ESR1: variants seen among roughly 807,000 people sequenced by gnomAD.
ESR1 encodes the protein estrogen receptor 1, also known as estrogen receptor.
In ESR1, 12 loss-of-function variants were observed where a neutral mutation model predicts 52.7. The observed-to-expected ratio is 0.23, with a 90% CI of 0.15 to 0.37. ESR1 has a LOEUF of 0.37. Among genes scored for constraint, ESR1 ranks in the 10% least tolerant of loss-of-function variants. The probability of loss-of-function intolerance (pLI) is 1.00; values close to 1 mark genes in which losing one functional copy is unlikely to be tolerated. For synonymous variants in ESR1, 305 were observed against 316.8 expected (o/e 0.96, Z 0.39); for missense variants, 584 against 779.7 (o/e 0.75, Z 2.99).
rs555791302 is a variant in ESR1, at chr6:152,007,541, G to A, written c.1097-4115G>A. 9.9e-5 allele frequency among the ~76,000 whole-genome samples: 15 copies of A among 152,104 alleles called. 1 individual carries two copies. In the South Asian group the frequency reaches 3.1e-3, roughly 32 times the overall value. On this transcript the variant is annotated intron_variant, in intron 4 of 7. Coordinates refer to ENST00000206249, the MANE Select transcript of ESR1 (RefSeq NM_000125.4). ...CTCTGTTTTCAATATATCATCTCTG[G>A]ATTCACTATTACTGGGACTTGTGAA...
intron 5 of ESR1, among the ~76,000 whole-genome samples, chr6:152,032,225 T>C (rs1158825560): frequency 6.6e-6 from 1 of 152,200 alleles, no homozygotes; most frequent in East Asian, 1.9e-4. Context: ...CTTTGAAAAC[T>C]GGCACAAGAC....
At chr6:151,764,744 T>C (rs1784916996) in intron 2 of ESR1, among the ~76,000 whole-genome samples, 1 of 152,226 alleles carries the variant, frequency 6.6e-6, no homozygotes, top group Non-Finnish European at 1.5e-5. Context: ...CCGAACGAGA[T>C]CATTTCCTCT....
intron 5 of ESR1, among the ~76,000 whole-genome samples, chr6:152,043,301 A>C (rs546316815): frequency 1.7e-4 from 26 of 152,328 alleles, no homozygotes; most frequent in African/African-American, 5.8e-4. Context: ...TTAAATGCAG[A>C]ATTCCTGCTT....
intron 1 of ESR1, chr6:151,813,404 T>C (rs1388320689): frequency 6.6e-6 from 1 of 152,290 alleles, no homozygotes; most frequent in Admixed American, 6.5e-5. Flanking sequence ...ACGATGATGA[T>C]GAAAATGAAG....
At chr6:151,739,778 G>A (rs1425939128) in intron 2 of ESR1, among the ~76,000 whole-genome samples, 1 of 152,188 alleles carries the variant, frequency 6.6e-6, no homozygotes, top group Non-Finnish European at 1.5e-5. Context: ...TTTACTGATA[G>A]CAATTTCTAT....
chr6:151,812,132 T>C (rs1778930433), intron 1 of ESR1, among the ~76,000 whole-genome samples: 1 of 152,096 alleles, frequency 6.6e-6, no homozygotes, highest in South Asian at 2.1e-4. Context: ...GGAGGAACCA[T>C]AGATATCAGG....
At chr6:151,722,816 G>A (rs985627221) in intron 2 of ESR1, among the ~76,000 whole-genome samples, 1 of 152,150 alleles carries the variant, frequency 6.6e-6, no homozygotes, top group Admixed American at 6.5e-5. Flanking sequence ...TAGGCTACAG[G>A]TCATCACACT....
chr6:151,662,014 C>T lies in ESR1; in HGVS notation n.73+5251C>T, dbSNP rs1242874794. Among the ~76,000 whole-genome samples, 15 of 152,280 alleles carry T rather than the reference C, an allele frequency of 9.9e-5. No individual in the cohort carries two copies. The East Asian group carries it at 2.5e-3, about 25-fold the overall frequency. Reference sequence around the variant, plus strand: ...GTGTGCCATTGGCACACAGCAGGGTCCTGGTGTCTCCCCCACCATCCAGCC... The same window carrying T: ...GTGTGCCATTGGCACACAGCAGGGTTCTGGTGTCTCCCCCACCATCCAGCC... On this transcript the variant is annotated intron_variant and non_coding_transcript_variant, in intron 1 of 2. Coordinates refer to the ESR1 transcript ENST00000473497.
intron 5 of ESR1, among the ~76,000 whole-genome samples, chr6:152,029,107 A>C (rs563284675): frequency 6.6e-6 from 1 of 152,358 alleles, no homozygotes; most frequent in Non-Finnish European, 1.5e-5. Flanking sequence ...AAACTAACAA[A>C]CAGAAAGGAC....
intron 2 of ESR1, among the ~76,000 whole-genome samples, chr6:151,722,443 TA>T (rs1474590990): frequency 3.3e-5 from 5 of 152,262 alleles, no homozygotes; most frequent in Admixed American, 6.5e-5. Flanking sequence ...AAAAGGCAGA[TA>T]GGGGCAAAGA....
At chr6:151,764,893 CT>C (rs979869774) in intron 2 of ESR1, among the ~76,000 whole-genome samples, 6 of 151,914 alleles carry the variant, frequency 3.9e-5, no homozygotes, top group African/African-American at 9.7e-5. Flanking sequence ...ATATTTACTT[CT>C]TTTTTTTGAA....
intron 2 of ESR1, among the ~76,000 whole-genome samples, chr6:151,756,369 T>C (rs1784286795): frequency 6.6e-6 from 1 of 152,150 alleles, no homozygotes; most frequent in Non-Finnish European, 1.5e-5. Context: ...TGCCTCGGCC[T>C]CCCGAGTAGC....
chr6:151,732,087 T>A (rs904685470), intron 2 of ESR1, among the ~76,000 whole-genome samples: 1 of 152,216 alleles, frequency 6.6e-6, no homozygotes, highest in Non-Finnish European at 1.5e-5. Context: ...TTTTGAGAGA[T>A]AAAATCTGAA....
chr6:151,899,283 G>A (rs1272563283), intron 3 of ESR1, among the ~76,000 whole-genome samples: 7 of 133,186 alleles, frequency 5.3e-5, no homozygotes, highest in East Asian at 2.4e-4. Context: ...CGGACGGGGC[G>A]GCTGGCCGGG....
intron 5 of ESR1, among the ~76,000 whole-genome samples, chr6:152,032,697 T>G (rs1474401472): frequency 6.6e-6 from 1 of 152,160 alleles, no homozygotes; most frequent in East Asian, 1.9e-4. Context: ...ATCAATATCA[T>G]GAAAATGGCC....
intron 2 of ESR1, among the ~76,000 whole-genome samples, chr6:151,784,690 AC>A (rs1786854668): frequency 1.3e-5 from 2 of 152,198 alleles, no homozygotes; most frequent in Non-Finnish European, 2.9e-5. Flanking sequence ...GACTAGTGTA[AC>A]TTCCCCTCCT....
intron 2 of ESR1, among the ~76,000 whole-genome samples, chr6:151,769,887 G>C (rs1206385986): frequency 6.6e-6 from 1 of 152,148 alleles, no homozygotes; most frequent in Non-Finnish European, 1.5e-5. Context: ...AGTTAGCCAG[G>C]CATGGTGGCA....
At position 151,737,103 on chromosome 6, in the gene ESR1, C is replaced by T. The variant is rs562343887; in HGVS notation, c.-71+35098C>T. 6.8e-4 allele frequency among the ~76,000 whole-genome samples: 103 copies of T among 152,126 alleles called. No homozygotes were observed. In the Middle Eastern group the frequency reaches 0.014, roughly 20 times the overall value. ...TTGGTAGCCTCCCTTTGGTATGTTC[C>T]CAGACCAAAAATTATTATTCTTCCC... On this transcript the variant is annotated intron_variant, in intron 2 of 2. Coordinates refer to the ESR1 transcript ENST00000404742.
At chr6:152,067,301 A>G (rs1301646265) in intron 6 of ESR1, among the ~76,000 whole-genome samples, 2 of 152,178 alleles carry the variant, frequency 1.3e-5, no homozygotes, top group Non-Finnish European at 2.9e-5. Context: ...GAGTTTTAGC[A>G]TGAATTTGTG....
Sources: gnomAD v4.1 joint callset for allele counts (sites outside exome capture counted in the v4.1 genomes callset) on GRCh38, gnomAD v4.1.1 for gene constraint, MANE v1.5 for transcripts, NCBI Gene and HGNC (gene_info 2026-07-23, HGNC 2026-07-21) for gene names.